POU6F2: variants seen among roughly 807,000 people sequenced by gnomAD.
POU6F2 encodes the protein POU class 6 homeobox 2.
A neutral mutation model predicts 71.3 loss-of-function variants in POU6F2; 31 were observed. The observed-to-expected ratio is 0.43, with a 90% CI of 0.33 to 0.59. POU6F2 has a LOEUF of 0.59. Among genes scored for constraint, POU6F2 ranks in the 20% least tolerant of loss-of-function variants. The pLI, the probability that POU6F2 is intolerant of heterozygous loss-of-function variation, is 0.04. For synonymous variants in POU6F2, 347 were observed against 355.7 expected (o/e 0.98, Z 0.27); for missense variants, 783 against 856.8 (o/e 0.91, Z 1.07).
intron 4 of POU6F2, among the ~76,000 whole-genome samples, chr7:39,271,380 A>T (rs1784335625): frequency 1.3e-5 from 2 of 152,036 alleles, no homozygotes; most frequent in Admixed American, 1.3e-4. Context: ...TTACAGAAAA[A>T]GTTTGCTGAC....
At chr7:39,318,050 TTCTC>T (rs1337461517) in intron 4 of POU6F2, among the ~76,000 whole-genome samples, 1 of 152,190 alleles carries the variant, frequency 6.6e-6, no homozygotes, top group Non-Finnish European at 1.5e-5. Context: ...AAGGGTTTTT[TTCTC>T]TCTCTTCCCA....
intron 4 of POU6F2, among the ~76,000 whole-genome samples, chr7:39,234,192 C>T (rs1794631036): frequency 2.0e-5 from 3 of 152,042 alleles, no homozygotes; most frequent in African/African-American, 7.2e-5. Context: ...AGATGGTACC[C>T]TTGGGAGTCT....
At chr7:39,066,686 G>A (rs1790760377) in intron 1 of POU6F2, among the ~76,000 whole-genome samples, 1 of 150,906 alleles carries the variant, frequency 6.6e-6, no homozygotes, top group Admixed American at 6.6e-5. Context: ...AGTGTTGATG[G>A]TAACACTGAA....
At chr7:39,080,519 C>T (rs979418503) in intron 1 of POU6F2, among the ~76,000 whole-genome samples, 10 of 152,176 alleles carry the variant, frequency 6.6e-5, no homozygotes, top group Admixed American at 1.3e-4. Flanking sequence ...AGGGAAAATC[C>T]AATACATTTT....
chr7:39,194,833 C>T (rs1007352182), intron 2 of POU6F2, among the ~76,000 whole-genome samples: 2 of 152,116 alleles, frequency 1.3e-5, no homozygotes, highest in South Asian at 2.1e-4. Context: ...CGAACCCCCC[C>T]GGGGAGGAAG....
At chr7:39,312,217 A>G (rs1785179339) in intron 4 of POU6F2, among the ~76,000 whole-genome samples, 1 of 152,202 alleles carries the variant, frequency 6.6e-6, no homozygotes, top group Non-Finnish European at 1.5e-5. Flanking sequence ...AAATGAAGAA[A>G]GGACTGAATC....
intron 1 of POU6F2, among the ~76,000 whole-genome samples, chr7:39,012,702 T>C (rs1425671196): frequency 1.9e-4 from 29 of 152,212 alleles, no homozygotes; most frequent in Admixed American, 8.5e-4. Context: ...GATGGGTTTT[T>C]GGTGTGGATG....
chr7:39,129,722 C>A (rs1326999398), intron 2 of POU6F2, among the ~76,000 whole-genome samples: 2 of 152,028 alleles, frequency 1.3e-5, no homozygotes. Context: ...ATTTATCTTT[C>A]ACTAGGCAAC....
chr7:39,059,434 C>T (rs1018198607), intron 1 of POU6F2, among the ~76,000 whole-genome samples: 1 of 150,710 alleles, frequency 6.6e-6, no homozygotes, highest in African/African-American at 2.4e-5. Context: ...AAATGTAATA[C>T]TTAAAACATG....
chr7:39,071,146 C>A (rs1790870092), intron 1 of POU6F2, among the ~76,000 whole-genome samples: 1 of 151,654 alleles, frequency 6.6e-6, no homozygotes, highest in African/African-American at 2.4e-5. Flanking sequence ...CAGTGGGAGC[C>A]CTGAGCTTGT....
chr7:39,126,854 T>C, intron 2 of POU6F2, among the ~76,000 whole-genome samples: 1 of 152,168 alleles, frequency 6.6e-6, no homozygotes, highest in Non-Finnish European at 1.5e-5. Context: ...CAAATGTAAG[T>C]AGAATAATTT....
chr7:39,104,614 T>C (rs1479930120), intron 2 of POU6F2, among the ~76,000 whole-genome samples: 1 of 152,206 alleles, frequency 6.6e-6, no homozygotes, highest in African/African-American at 2.4e-5. Flanking sequence ...TTTTCTAACC[T>C]AGCCTTGGAA....
chr7:39,260,529 CACAT>C (rs1784114598), intron 4 of POU6F2, among the ~76,000 whole-genome samples: 1 of 140,846 alleles, frequency 7.1e-6, no homozygotes, highest in South Asian at 2.6e-4. Flanking sequence ...ACATTCCACA[CACAT>C]ACCACGTTCC....
intron 1 of POU6F2, among the ~76,000 whole-genome samples, chr7:39,016,505 A>G (rs1789551785): frequency 6.6e-6 from 1 of 152,092 alleles, no homozygotes; most frequent in African/African-American, 2.4e-5. Flanking sequence ...AAAAGCTGTA[A>G]AATCATATAA....
At chr7:39,416,814 T>TAAAAAAAAAAAA (rs531942673) in intron 6 of POU6F2, among the ~76,000 whole-genome samples, 4 of 142,440 alleles carry the variant, frequency 2.8e-5, no homozygotes, top group African/African-American at 1.0e-4. Flanking sequence ...GTTAAAAATG[T>TAAAAAAAAAAAA]AAAAAAAAAA....
At chr7:39,412,444 T>C (rs549403658) in intron 6 of POU6F2, among the ~76,000 whole-genome samples, 6 of 152,172 alleles carry the variant, frequency 3.9e-5, no homozygotes, top group Non-Finnish European at 7.4e-5. Context: ...ATTCAGTGAG[T>C]GTTGAGTCCC....
intron 2 of POU6F2, 63 bp from the exon 3 acceptor site, chr7:39,204,172 T>C: frequency 7.3e-7 from 1 of 1,376,364 alleles, no homozygotes; most frequent in East Asian, 2.4e-5. Context: ...GCCTTAATGT[T>C]ATGTGACATC....
At chr7:39,128,784 T>C (rs1340323920) in intron 2 of POU6F2, among the ~76,000 whole-genome samples, 4 of 152,244 alleles carry the variant, frequency 2.6e-5, no homozygotes, top group Admixed American at 2.6e-4. Flanking sequence ...ATAGAAACCA[T>C]TTCTTATCTC....
intron 1 of POU6F2, among the ~76,000 whole-genome samples, chr7:39,060,635 G>A (rs1386471745): frequency 6.6e-6 from 1 of 152,158 alleles, no homozygotes; most frequent in Non-Finnish European, 1.5e-5. Flanking sequence ...AATGCAGCTG[G>A]TAGTCCAACA....
Sources: allele counts gnomAD v4.1 joint callset (sites outside exome capture counted in the v4.1 genomes callset), GRCh38; gene constraint gnomAD v4.1.1; transcripts MANE v1.5; gene names NCBI Gene and HGNC (gene_info 2026-07-23, HGNC 2026-07-21).